The following TRAPPC9 variants were observed in gnomAD, a reference collection of about 807,000 sequenced individuals.
TRAPPC9 encodes trafficking protein particle complex subunit 9.
In TRAPPC9, 83 loss-of-function variants were observed where a neutral mutation model predicts 124.0. That is an observed-to-expected ratio of 0.67 (90% CI 0.56 to 0.80). TRAPPC9 has a LOEUF of 0.80. Ranked by LOEUF, TRAPPC9 falls within the 30% of genes least tolerant of loss-of-function variation. The probability of loss-of-function intolerance (pLI) is 0.00; values close to 1 mark genes in which losing one functional copy is unlikely to be tolerated. For missense variants in TRAPPC9, 1,302 were observed against 1,508.3 expected (o/e 0.86, Z 2.27); for synonymous variants, 638 against 617.5 (o/e 1.03, Z -0.49).
intron 5 of TRAPPC9, among the ~76,000 whole-genome samples, chr8:140,424,153 TG>T (rs2070338589): frequency 6.6e-6 from 1 of 151,526 alleles, no homozygotes; most frequent in African/African-American, 2.4e-5. Context: ...TTTGTTTGTT[TG>T]TTTTTTTAAA....
intron 18 of TRAPPC9, among the ~76,000 whole-genome samples, chr8:140,000,338 T>C (rs1838304936): frequency 6.6e-6 from 1 of 152,142 alleles, no homozygotes. Context: ...ACTTCATGAC[T>C]AAAACACCAA....
At chr8:140,148,181 C>G (rs2061490666) in intron 17 of TRAPPC9, among the ~76,000 whole-genome samples, 1 of 152,198 alleles carries the variant, frequency 6.6e-6, no homozygotes, top group African/African-American at 2.4e-5. Context: ...AGCCCTCAGA[C>G]AGCCAGAAGG....
chr8:140,038,229 T>A (rs1025729535), intron 17 of TRAPPC9, among the ~76,000 whole-genome samples: 1 of 152,112 alleles, frequency 6.6e-6, no homozygotes, highest in East Asian at 1.9e-4. Flanking sequence ...TTCGCCGCAG[T>A]GCCTGGCCCA....
intron 17 of TRAPPC9, among the ~76,000 whole-genome samples, chr8:140,191,050 G>C (rs1271093197): frequency 6.6e-6 from 1 of 152,142 alleles, no homozygotes; most frequent in Non-Finnish European, 1.5e-5. Context: ...GATTAGGAGA[G>C]GGTGGGGGTT....
At chr8:139,737,933 C>T (rs1818308437) in intron 21 of TRAPPC9, among the ~76,000 whole-genome samples, 1 of 152,196 alleles carries the variant, frequency 6.6e-6, no homozygotes, top group South Asian at 2.1e-4. Context: ...TCGACAGCTT[C>T]TCCAGGGCCC....
chr8:139,995,806 C>G (rs1837926265), intron 18 of TRAPPC9, among the ~76,000 whole-genome samples: 1 of 147,048 alleles, frequency 6.8e-6, no homozygotes. Flanking sequence ...CCAAGAAGCA[C>G]CACAAATGCT....
chr8:140,198,560 G>T (rs1196309412), intron 17 of TRAPPC9, among the ~76,000 whole-genome samples: 2 of 152,112 alleles, frequency 1.3e-5, no homozygotes, highest in African/African-American at 4.8e-5. Context: ...CGGCTCACTG[G>T]CTTTCACCAA....
chr8:140,083,085 C>T (rs548264788), intron 17 of TRAPPC9, among the ~76,000 whole-genome samples: 14 of 152,166 alleles, frequency 9.2e-5, no homozygotes, highest in African/African-American at 3.1e-4. Flanking sequence ...CCCAGCTGCT[C>T]GGGAGGCTGA....
At chr8:140,160,286 C>G (rs1242351656) in intron 17 of TRAPPC9, among the ~76,000 whole-genome samples, 1 of 152,100 alleles carries the variant, frequency 6.6e-6, no homozygotes, top group Non-Finnish European at 1.5e-5. Context: ...CCCAGTGATC[C>G]CATTACTGGG....
chr8:139,790,193 G>T (rs1233489068), intron 21 of TRAPPC9, among the ~76,000 whole-genome samples: 1 of 152,246 alleles, frequency 6.6e-6, no homozygotes, highest in African/African-American at 2.4e-5. Flanking sequence ...TAATGCCTAT[G>T]ATTAGGCCTC....
At chr8:140,098,326 C>T (rs1009794356) in intron 17 of TRAPPC9, 2 of 150,654 alleles carry the variant, frequency 1.3e-5, no homozygotes, top group Admixed American at 6.6e-5. Flanking sequence ...GCTAGGTCTC[C>T]GTGCGCGGCT....
intron 17 of TRAPPC9, among the ~76,000 whole-genome samples, chr8:140,036,459 A>T (rs1840887864): frequency 6.7e-6 from 1 of 150,308 alleles, no homozygotes; most frequent in African/African-American, 2.5e-5. Context: ...GAAGCCACGG[A>T]TCTCTTCAAG....
chr8:139,894,387 C>A (rs988667831), intron 20 of TRAPPC9, among the ~76,000 whole-genome samples: 1 of 152,116 alleles, frequency 6.6e-6, no homozygotes, highest in African/African-American at 2.4e-5. Context: ...CTGTCCTTTC[C>A]AGGAGGGGTC....
At chr8:140,072,491 C>G (rs1843215787) in intron 17 of TRAPPC9, among the ~76,000 whole-genome samples, 1 of 148,362 alleles carries the variant, frequency 6.7e-6, no homozygotes, top group Admixed American at 6.7e-5. Context: ...GCACCCCAGT[C>G]TGGGCGACAG....
At chr8:140,270,202 C>T (rs966864486) in intron 15 of TRAPPC9, among the ~76,000 whole-genome samples, 1 of 152,136 alleles carries the variant, frequency 6.6e-6, no homozygotes, top group Non-Finnish European at 1.5e-5. Context: ...CAGAGGAAGG[C>T]CTCTCCGGGA....
chr8:140,291,977 C>T (rs1393659821), intron 11 of TRAPPC9, among the ~76,000 whole-genome samples: 1 of 152,184 alleles, frequency 6.6e-6, no homozygotes, highest in African/African-American at 2.4e-5. Flanking sequence ...GCCCCAGATG[C>T]CACTTGGATT....
At chr8:140,349,228 CCGAAGGGGGCACACGACGGAAGGGCACAG>C in intron 9 of TRAPPC9, among the ~76,000 whole-genome samples, 1 of 84,296 alleles carries the variant, frequency 1.2e-5, no homozygotes, top group Non-Finnish European at 2.5e-5. Flanking sequence ...CAGAAGGGGG[CCGAAGGGGGCACACGACGGAAGGGCACAG>C]AGGGGGGCCG....
At chr8:140,407,846 T>G (rs1334943565) in intron 5 of TRAPPC9, among the ~76,000 whole-genome samples, 1 of 152,168 alleles carries the variant, frequency 6.6e-6, no homozygotes. Context: ...GGTCTTGAAC[T>G]CCTGACCTCA....
At chr8:140,184,034 G>A (rs979789177) in intron 17 of TRAPPC9, among the ~76,000 whole-genome samples, 5 of 150,860 alleles carry the variant, frequency 3.3e-5, no homozygotes, top group African/African-American at 1.2e-4. Flanking sequence ...CTGAGCACTG[G>A]CCTTCTCTAC....
Sources: gnomAD v4.1 joint callset for allele counts (sites outside exome capture counted in the v4.1 genomes callset) on GRCh38, gnomAD v4.1.1 for gene constraint, MANE v1.5 for transcripts, NCBI Gene and HGNC (gene_info 2026-07-23, HGNC 2026-07-21) for gene names.